RGS7BP: variants seen among roughly 807,000 people sequenced by gnomAD.
The protein encoded by RGS7BP is regulator of G protein signaling 7-binding protein.
Under a neutral mutation model 31.3 loss-of-function variants are expected in RGS7BP, and 9 were observed. That is an observed-to-expected ratio of 0.29 (90% CI 0.17 to 0.50). RGS7BP has a LOEUF of 0.50. Among genes scored for constraint, RGS7BP ranks in the 20% least tolerant of loss-of-function variants. The pLI, the probability that RGS7BP is intolerant of heterozygous loss-of-function variation, is 0.98. For synonymous variants in RGS7BP, 115 were observed against 120.1 expected (o/e 0.96, Z 0.28); for missense variants, 274 against 322.0 (o/e 0.85, Z 1.14).
At chr5:64,537,185 T>C (rs928609517) in intron 2 of RGS7BP, among the ~76,000 whole-genome samples, 1 of 152,196 alleles carries the variant, frequency 6.6e-6, no homozygotes, top group South Asian at 2.1e-4. Context: ...TGTCCAATCT[T>C]TTGGCTTCCC....
rs1028092245 is a variant in RGS7BP at position 64,517,669 on chromosome 5, G to C, written c.332+9792G>C. Among the ~76,000 whole-genome samples, 29 of 152,142 alleles carry C rather than the reference G, an allele frequency of 1.9e-4. 1 individual carries two copies. The highest frequency in any genetic ancestry group is 8.8e-5 in the Non-Finnish European group (6 of 68,030). ...CTCCTCACACTGAAAAGCAGAACAG[G>C]GGAAAGCGTCCAGAAAGGATTGAGA... On this transcript the variant is annotated intron_variant, in intron 2 of 5. Coordinates refer to ENST00000334025, the MANE Select transcript of RGS7BP (RefSeq NM_001029875.3).
At position 64,594,760 on chromosome 5, in the gene RGS7BP, A is replaced by C; in HGVS notation, c.514A>C (p.Ser172Arg). The C allele has an allele frequency of 6.2e-7, 1 of 1,613,748 alleles. No homozygotes were observed. Among genetic ancestry groups the C allele is most frequent in the Non-Finnish European group, 8.5e-7 (1 of 1,179,780 alleles). The change falls in exon 4 of 6, where the codon AGT becomes CGT. Residue 172 changes from serine to arginine, a missense_variant. By Grantham distance (110) the Ser-to-Arg change is moderately radical. This residue lies in a region of RGS7BP where 112 missense variants were observed against 130.9 expected (regional missense o/e 0.86). Transcript: ENST00000334025. ...GAGTTTGGATTGCAAAATTGAGGAG[A>C]GTGCTGAAACACCTGCCCTAGAAGA... Reference protein sequence around the residue: ...TKSLDCKIEESAETPALEDSS... With the variant: ...TKSLDCKIEERAETPALEDSS...
At chr5:64,599,711 G>A (rs1478646782) in intron 5 of RGS7BP, among the ~76,000 whole-genome samples, 1 of 152,212 alleles carries the variant, frequency 6.6e-6, no homozygotes, top group African/African-American at 2.4e-5. Flanking sequence ...ATGGAAGATT[G>A]TTGCCAGAAA....
At chr5:64,597,185 G>A (rs1321345666) in intron 4 of RGS7BP, among the ~76,000 whole-genome samples, 3 of 152,080 alleles carry the variant, frequency 2.0e-5, no homozygotes, top group Non-Finnish European at 4.4e-5. Context: ...GACGTGTGTA[G>A]GGACAATTGT....
chr5:64,592,413 C>T (rs1396627445), intron 3 of RGS7BP, among the ~76,000 whole-genome samples: 1 of 152,114 alleles, frequency 6.6e-6, no homozygotes, highest in Non-Finnish European at 1.5e-5. Context: ...TCTTTGAAAT[C>T]TTTAAAATGA....
chr5:64,509,954 C>A (rs919306865), intron 2 of RGS7BP, among the ~76,000 whole-genome samples: 1 of 152,174 alleles, frequency 6.6e-6, no homozygotes, highest in African/African-American at 2.4e-5. Context: ...TTTAGTTCCT[C>A]ACCATCTGGG....
intron 2 of RGS7BP, among the ~76,000 whole-genome samples, chr5:64,534,161 A>C (rs1200103154): frequency 1.3e-5 from 2 of 152,132 alleles, no homozygotes; most frequent in Non-Finnish European, 2.9e-5. Flanking sequence ...CCATGCGAAG[A>C]TCTGGGGCAG....
Position 64,562,678 on chromosome 5 carries a change from C to G in RGS7BP, c.333-13096C>G, listed in dbSNP as rs571706234. Among the ~76,000 whole-genome samples the G allele has an allele frequency of 1.5e-3, 224 of 152,286 alleles. 1 individual carries two copies. The highest frequency in any genetic ancestry group is 5.1e-3 in the African/African-American group (211 of 41,564). The stretch of plus-strand genomic sequence containing the variant: ...CACCAGTGTGAACACTCTGAAGTTA[C>G]TAGCCTTGTCCCTTTGAAAACAGTA... On this transcript the variant is annotated intron_variant, in intron 2 of 5. Coordinates refer to ENST00000334025, the MANE Select transcript of RGS7BP (RefSeq NM_001029875.3).
At chr5:64,594,973 T>C (rs774650974) in intron 4 of RGS7BP, 116 bp downstream of exon 4, 19 of 1,129,958 alleles carry the variant, frequency 1.7e-5, no homozygotes, top group Non-Finnish European at 2.4e-5. Context: ...TTCTTTGGTA[T>C]GCCAGAGGAG....
intron 2 of RGS7BP, among the ~76,000 whole-genome samples, chr5:64,543,380 C>T (rs1299787384): frequency 6.6e-6 from 1 of 152,184 alleles, no homozygotes; most frequent in African/African-American, 2.4e-5. Context: ...GTGCAAAAAC[C>T]CCATGAAAGT....
chr5:64,591,783 G>A (rs1210114468), intron 3 of RGS7BP, among the ~76,000 whole-genome samples: 1 of 152,122 alleles, frequency 6.6e-6, no homozygotes, highest in Non-Finnish European at 1.5e-5. Flanking sequence ...GACTACAGTA[G>A]CAAAGTAAGT....
chr5:64,588,283 T>C (rs953270227), intron 3 of RGS7BP, among the ~76,000 whole-genome samples: 1 of 152,218 alleles, frequency 6.6e-6, no homozygotes, highest in African/African-American at 2.4e-5. Context: ...GGGCACTGAC[T>C]GCCCTTTGTT....
chr5:64,599,983 A>G (rs16892948), intron 5 of RGS7BP, among the ~76,000 whole-genome samples: 5,079 of 152,226 alleles, frequency 0.033, 272 homozygotes, highest in African/African-American at 0.11. Flanking sequence ...TGTCACTGTT[A>G]TTATTATTAT....
chr5:64,583,677 T>G (rs2111923655), intron 3 of RGS7BP, among the ~76,000 whole-genome samples: 1 of 152,280 alleles, frequency 6.6e-6, no homozygotes, highest in Non-Finnish European at 1.5e-5. Flanking sequence ...AAATTTAACC[T>G]GAGACTTGAA....
At chr5:64,508,445 T>C (rs1429165776) in intron 2 of RGS7BP, among the ~76,000 whole-genome samples, 1 of 152,168 alleles carries the variant, frequency 6.6e-6, no homozygotes, top group Non-Finnish European at 1.5e-5. Flanking sequence ...AATTCACATA[T>C]CTCAATAAAC....
At chr5:64,561,513 A>G (rs952678980) in intron 2 of RGS7BP, among the ~76,000 whole-genome samples, 1 of 152,092 alleles carries the variant, frequency 6.6e-6, no homozygotes, top group African/African-American at 2.4e-5. Flanking sequence ...CTCAAGCCTC[A>G]TTTCCCTCAA....
At position 64,570,701 on chromosome 5, in the gene RGS7BP, T is replaced by G. The variant is rs192351273; in HGVS notation, c.333-5073T>G. ...CAATTATAAAACCTCCCAGTGGTTT[T>G]GATTAATTTATCCCATGTAATTATT... On this transcript the variant is annotated intron_variant, in intron 2 of 5. Coordinates refer to ENST00000334025, the MANE Select transcript of RGS7BP (RefSeq NM_001029875.3). 6.6e-5 allele frequency among the ~76,000 whole-genome samples: 10 copies of G among 152,298 alleles called. No homozygotes were observed. In the East Asian group the frequency reaches 1.7e-3, roughly 26 times the overall value.
chr5:64,564,914 ATCT>A (rs1164302628), intron 2 of RGS7BP, among the ~76,000 whole-genome samples: 1 of 152,072 alleles, frequency 6.6e-6, no homozygotes, highest in Non-Finnish European at 1.5e-5. Context: ...TGTTGCCATC[ATCT>A]TCTGACATTA....
chr5:64,601,031 C>T (rs1478627849), intron 5 of RGS7BP, among the ~76,000 whole-genome samples: 1 of 152,164 alleles, frequency 6.6e-6, no homozygotes, highest in Non-Finnish European at 1.5e-5. Context: ...ATTTATTATA[C>T]AGGTCTAATA....
Sources: allele counts gnomAD v4.1 joint callset (sites outside exome capture counted in the v4.1 genomes callset), GRCh38; gene constraint gnomAD v4.1.1; regional missense constraint gnomAD v4.1.1; transcripts MANE v1.5; gene names NCBI Gene and HGNC (gene_info 2026-07-23, HGNC 2026-07-21).